MYOT: variants seen among roughly 807,000 people sequenced by gnomAD.
MYOT encodes myotilin, also known as 57 kDa cytoskeletal protein.
Under a neutral mutation model 58.0 loss-of-function variants are expected in MYOT, and 36 were observed. That is an observed-to-expected ratio of 0.62 (90% CI 0.48 to 0.82). The LOEUF is 0.82. Ranked by LOEUF, MYOT falls within the 40% of genes least tolerant of loss-of-function variation. The pLI, the probability that MYOT is intolerant of heterozygous loss-of-function variation, is 0.00. For synonymous variants in MYOT, 218 were observed against 204.6 expected (o/e 1.07, Z -0.56); for missense variants, 505 against 592.1 (o/e 0.85, Z 1.53).
intron 7 of MYOT, 101 bp downstream of exon 7, chr5:137,883,692 G>T (rs1755510047): frequency 2.8e-6 from 3 of 1,080,264 alleles, no homozygotes; most frequent in Non-Finnish European, 4.2e-6. Flanking sequence ...CATATTTAAG[G>T]TTAATGTCTA....
rs2149988009 is a variant in MYOT at position 137,883,480 on chromosome 5, C to T, written c.913C>T (p.Leu305Phe). 2.5e-6 allele frequency: 4 copies of T among 1,613,996 alleles called. No individual in the cohort carries two copies. Among genetic ancestry groups the T allele is most frequent in the Non-Finnish European group, 3.4e-6 (4 of 1,179,928 alleles). ...CAAAATGATAGTGTCTGAGAAGGGT[C>T]TTCATTCACTCATCTTTGAAGTAGT... Reference protein sequence around the residue: ...LHKMIVSEKGLHSLIFEVVRA... With the variant: ...LHKMIVSEKGFHSLIFEVVRA... The change falls in exon 7 of 10, where the codon CTT (leucine) becomes TTT (phenylalanine). Residue 305 changes from leucine (L) to phenylalanine (F), a missense_variant. By Grantham distance (22) the Leu-to-Phe change is conservative (BLOSUM62 0). Transcript: ENST00000239926.
intron 2 of MYOT, among the ~76,000 whole-genome samples, chr5:137,872,030 T>C (rs767731385): frequency 6.6e-6 from 1 of 152,174 alleles, no homozygotes; most frequent in Non-Finnish European, 1.5e-5. Flanking sequence ...GGAAATCTAG[T>C]TGAACTGCCT....
At position 137,870,618 on chromosome 5, in the gene MYOT, T is replaced by C. The variant is rs575828258; in HGVS notation, c.-34T>C. 2.7e-5 allele frequency: 42 copies of C among 1,564,088 alleles called. No homozygotes were observed. The East Asian group carries it at 8.7e-4, about 33-fold the overall frequency. ...TTCCAGGAACAAATCATTATAGTAA[T>C]AATTTGCCTTCATCTTCCATATACC... is the stretch of plus-strand genomic sequence containing the variant. On this transcript the variant is annotated 5_prime_UTR_variant, in exon 2 of 10. Transcript: ENST00000239926.
chr5:137,874,492 A>T (rs1161491923), intron 2 of MYOT, among the ~76,000 whole-genome samples: 1 of 152,174 alleles, frequency 6.6e-6, no homozygotes, highest in Non-Finnish European at 1.5e-5. Context: ...AATTAAAAAT[A>T]AAGATTAGCC....
chr5:137,871,110 C>T, intron 2 of MYOT, 103 bp downstream of exon 2: 1 of 972,032 alleles, frequency 1.0e-6, no homozygotes, highest in Admixed American at 2.0e-5. Flanking sequence ...TCTTTACTAT[C>T]TAAAAAGGCA....
At chr5:137,869,479 G>A (rs1754972183) in intron 1 of MYOT, among the ~76,000 whole-genome samples, 1 of 152,142 alleles carries the variant, frequency 6.6e-6, no homozygotes, top group Admixed American at 6.5e-5. Flanking sequence ...AGGATGTACT[G>A]TAGGAAGGCA....
At chr5:137,873,272 A>G (rs1233526998) in intron 2 of MYOT, among the ~76,000 whole-genome samples, 1 of 151,796 alleles carries the variant, frequency 6.6e-6, no homozygotes, top group African/African-American at 2.4e-5. Flanking sequence ...CACACCTGTA[A>G]TCCCAGCACT....
In MYOT at chr5:137,880,784, T is replaced by C. The variant is rs368115567; in HGVS notation, c.634-32T>C. ...TGCTTCATTCAAGCTAACAATTGCA[T>C]GTAAACATTCTTACTTTGTTTTAAT... On this transcript the variant is annotated intron_variant, in intron 4 of 9. Coordinates refer to ENST00000239926, the MANE Select transcript of MYOT (RefSeq NM_006790.3). 5.7e-4 allele frequency: 891 copies of C among 1,573,122 alleles called. 1 individual carries two copies. The highest frequency in any genetic ancestry group is 6.9e-4 in the Non-Finnish European group (785 of 1,143,228).
intron 6 of MYOT, chr5:137,882,783 C>T (rs900160912): frequency 3.8e-5 from 6 of 156,256 alleles, no homozygotes; most frequent in Admixed American, 3.8e-4. Context: ...GTCCCTCAGA[C>T]TAGAAAAGCT....
At chr5:137,879,280 C>T (rs1263716923) in intron 4 of MYOT, among the ~76,000 whole-genome samples, 1 of 151,864 alleles carries the variant, frequency 6.6e-6, no homozygotes, top group Non-Finnish European at 1.5e-5. Flanking sequence ...ACTACACCTA[C>T]TAAAAAGGAT....
At chr5:137,868,863 A>C (rs1754953374) in intron 1 of MYOT, among the ~76,000 whole-genome samples, 1 of 152,112 alleles carries the variant, frequency 6.6e-6, no homozygotes, top group African/African-American at 2.4e-5. Context: ...TTCCCCAACA[A>C]TTTAAATGCC....
chr5:137,885,884 T>C (rs1026903294), intron 7 of MYOT, among the ~76,000 whole-genome samples, 164 bp from the exon 8 acceptor site: 1 of 151,596 alleles, frequency 6.6e-6, no homozygotes, highest in Non-Finnish European at 1.5e-5. Flanking sequence ...GAATTCTGAA[T>C]GGTATAACAA....
rs776045898 is a variant in MYOT, at chr5:137,883,333, A to C, written c.817-51A>C. 9 of 1,451,356 alleles carry C rather than the reference A, an allele frequency of 6.2e-6. No individual in the cohort carries two copies. In the East Asian group the frequency reaches 2.0e-4, roughly 33 times the overall value. The allele number at this position is 1,451,356 out of a possible 1,614,324, so 89.9% of individuals were successfully genotyped here. ...ATTCATATATGGACAAATAGGTTTCAGTGATGCAATACTTTAAAATTCTGC... is the reference window on the plus strand; with the variant it reads ...ATTCATATATGGACAAATAGGTTTCCGTGATGCAATACTTTAAAATTCTGC... On this transcript the variant is annotated intron_variant, in intron 6 of 9. Coordinates refer to ENST00000239926, the MANE Select transcript of MYOT (RefSeq NM_006790.3).
intron 9 of MYOT, 58 bp downstream of exon 9, chr5:137,887,055 G>C (rs910026065): frequency 6.3e-5 from 99 of 1,575,826 alleles, no homozygotes; most frequent in Non-Finnish European, 8.2e-5. Flanking sequence ...GATTTAATAA[G>C]AAATGAAAAT....
intron 7 of MYOT, among the ~76,000 whole-genome samples, chr5:137,885,366 T>C (rs1009663977): frequency 6.6e-6 from 1 of 152,106 alleles, no homozygotes; most frequent in African/African-American, 2.4e-5. Context: ...CTAAACAAAA[T>C]TTTACCAATT....
chr5:137,877,499 G>A (rs760520755), intron 3 of MYOT, 21 bp from the exon 4 acceptor site: 1 of 1,525,630 alleles, frequency 6.6e-7, no homozygotes, highest in South Asian at 1.1e-5. Context: ...TCTAATTACT[G>A]TCTCAATAAA....
Position 137,887,265 on chromosome 5 carries a change from A to T in MYOT, c.1377A>T (p.Thr459=). Residue 459 remains threonine (T), a synonymous_variant, in exon 10 of 10, where the codon ACA becomes ACT. Coordinates refer to ENST00000239926, the MANE Select transcript of MYOT (RefSeq NM_006790.3). ...PAPKQLRVRP[T]FSKYLALNGK... ...CTAAGCAGTTACGGGTTCGACCAACATTCAGCAAATATTTAGCACTTAATG... is the reference window on the plus strand; with the variant it reads ...CTAAGCAGTTACGGGTTCGACCAACTTTCAGCAAATATTTAGCACTTAATG... 1 of 1,614,082 alleles carries T rather than the reference A, an allele frequency of 6.2e-7. No individual in the cohort carries two copies. The highest frequency in any genetic ancestry group is 8.5e-7 in the Non-Finnish European group (1 of 1,179,962).
chr5:137,868,244 C>T lies in MYOT; in HGVS notation c.-212+291C>T, dbSNP rs141846884. ...TGTAATTGTGGTGATGTCTTATGAA[C>T]GCAACATATCCTCTATCAGTCTTCT... is the stretch of plus-strand genomic sequence containing the variant. On this transcript the variant is annotated intron_variant, in intron 1 of 9. Coordinates refer to ENST00000239926, the MANE Select transcript of MYOT (RefSeq NM_006790.3). Among the ~76,000 whole-genome samples, 203 of 152,218 alleles carry T rather than the reference C, an allele frequency of 1.3e-3. 5 individuals are homozygous for T. The Middle Eastern group carries it at 0.024, about 18-fold the overall frequency.
chr5:137,877,197 T>C (rs1755254734), intron 3 of MYOT, among the ~76,000 whole-genome samples: 1 of 151,472 alleles, frequency 6.6e-6, no homozygotes, highest in Non-Finnish European at 1.5e-5. Flanking sequence ...TGAAACCCCG[T>C]CTCTACTAAA....
Sources: gnomAD v4.1 joint callset for allele counts (sites outside exome capture counted in the v4.1 genomes callset) on GRCh38, gnomAD v4.1.1 for gene constraint, MANE v1.5 for transcripts, NCBI Gene and HGNC (gene_info 2026-07-23, HGNC 2026-07-21) for gene names.